Variants in TMEM132C observed in about 807,000 individuals in gnomAD.
The protein encoded by TMEM132C is protein phosphatase 1, regulatory subunit 152.
Under a neutral mutation model 61.4 loss-of-function variants are expected in TMEM132C, and 29 were observed. That is an observed-to-expected ratio of 0.47 (90% CI 0.35 to 0.64). TMEM132C has a LOEUF of 0.64. Ranked by LOEUF, TMEM132C falls within the 30% of genes least tolerant of loss-of-function variation. The probability of loss-of-function intolerance (pLI) is 0.00; values close to 1 mark genes in which losing one functional copy is unlikely to be tolerated. For synonymous variants in TMEM132C, 656 were observed against 633.1 expected, an observed-to-expected ratio of 1.04 and a Z score of -0.54; for missense variants, 1,408 against 1,476.9, an observed-to-expected ratio of 0.95 and a Z score of 0.76.
At chr12:128,449,951 C>T (rs1030649599) in intron 2 of TMEM132C, among the ~76,000 whole-genome samples, 1 of 152,200 alleles carries the variant, frequency 6.6e-6, no homozygotes, top group Admixed American at 6.5e-5. Flanking sequence ...GAAATGTCCA[C>T]AAGACCTATG....
At chr12:128,690,297 C>T (rs944953191) in intron 5 of TMEM132C, among the ~76,000 whole-genome samples, 19 of 152,188 alleles carry the variant, frequency 1.2e-4, no homozygotes, top group Non-Finnish European at 2.9e-5. Flanking sequence ...AGCCGAGGGA[C>T]TAAAAAGACT....
Position 128,638,937 on chromosome 12 carries a change from G to A in TMEM132C, c.1305+22602G>A, listed in dbSNP as rs565927781. Among the ~76,000 whole-genome samples the A allele has an allele frequency of 6.9e-3, 1,034 of 149,610 alleles. 10 individuals carry two copies. Among genetic ancestry groups the A allele is most frequent in the African/African-American group, 0.024 (961 of 39,850 alleles). On this transcript the variant is annotated intron_variant, in intron 4 of 8. Coordinates refer to ENST00000435159, the MANE Select transcript of TMEM132C (RefSeq NM_001136103.3). ...TGATGGTGGTGATGGTGATGGTGGTGATGGTGATGATGGTGGTGATGGTGA... is the reference window on the plus strand; with the variant it reads ...TGATGGTGGTGATGGTGATGGTGGTAATGGTGATGATGGTGGTGATGGTGA...
At chr12:128,322,117 A>G (rs1471406307) in intron 1 of TMEM132C, among the ~76,000 whole-genome samples, 1 of 152,232 alleles carries the variant, frequency 6.6e-6, no homozygotes, top group Non-Finnish European at 1.5e-5. Context: ...TGATGAATCA[A>G]ATTTGCTGGG....
At chr12:128,357,267 G>C (rs1481762057) in intron 1 of TMEM132C, among the ~76,000 whole-genome samples, 1 of 152,120 alleles carries the variant, frequency 6.6e-6, no homozygotes, top group East Asian at 1.9e-4. Context: ...TAGGTTTGCA[G>C]CCCTTCTGTC....
intron 1 of TMEM132C, among the ~76,000 whole-genome samples, chr12:128,276,548 C>T (rs1870696363): frequency 6.6e-6 from 1 of 152,150 alleles, no homozygotes; most frequent in Admixed American, 6.5e-5. Flanking sequence ...CTTAAGCTTC[C>T]CTTCTCCTTC....
At chr12:128,401,330 C>T (rs886103803) in intron 1 of TMEM132C, among the ~76,000 whole-genome samples, 3 of 152,086 alleles carry the variant, frequency 2.0e-5, no homozygotes, top group Admixed American at 6.6e-5. Context: ...GATTTGATAA[C>T]CTTCATATGT....
At chr12:128,327,366 GTTT>G (rs1404448850) in intron 1 of TMEM132C, among the ~76,000 whole-genome samples, 2 of 104,258 alleles carry the variant, frequency 1.9e-5, no homozygotes, top group African/African-American at 1.3e-4. Context: ...AGCTTGGTTT[GTTT>G]GTTTGTTTGT....
chr12:128,277,459 T>A (rs1870730935), intron 1 of TMEM132C, among the ~76,000 whole-genome samples: 1 of 152,204 alleles, frequency 6.6e-6, no homozygotes, highest in South Asian at 2.1e-4. Flanking sequence ...GTAGAAAAAG[T>A]TGCAGGGGCA....
chr12:128,393,970 G>A (rs973513387), intron 1 of TMEM132C, among the ~76,000 whole-genome samples: 2 of 152,126 alleles, frequency 1.3e-5, no homozygotes, highest in Non-Finnish European at 2.9e-5. Flanking sequence ...CTTCTTTAAA[G>A]ACGGTGTATT....
At chr12:128,538,816 T>C (rs1350280679) in intron 2 of TMEM132C, among the ~76,000 whole-genome samples, 1 of 152,150 alleles carries the variant, frequency 6.6e-6, no homozygotes, top group Non-Finnish European at 1.5e-5. Context: ...CCATTTTATC[T>C]CTCCATCCCT....
intron 3 of TMEM132C, among the ~76,000 whole-genome samples, chr12:128,597,568 A>ATCTTAT: frequency 6.6e-6 from 1 of 152,180 alleles, no homozygotes; most frequent in African/African-American, 2.4e-5. Flanking sequence ...AAAGGAACAT[A>ATCTTAT]GATTCATTAT....
chr12:128,700,700 G>C (rs979074881), intron 8 of TMEM132C, among the ~76,000 whole-genome samples: 1 of 152,178 alleles, frequency 6.6e-6, no homozygotes, highest in South Asian at 2.1e-4. Flanking sequence ...CCCAAGCCTT[G>C]TTTGCTCTAA....
chr12:128,620,159 G>A (rs1019203445), intron 4 of TMEM132C, among the ~76,000 whole-genome samples: 3 of 148,538 alleles, frequency 2.0e-5, no homozygotes, highest in African/African-American at 7.5e-5. Flanking sequence ...TTAAGCCCAG[G>A]AGTTGGAGGC....
intron 1 of TMEM132C, among the ~76,000 whole-genome samples, chr12:128,275,408 A>G (rs1172168689): frequency 6.6e-6 from 1 of 152,184 alleles, no homozygotes; most frequent in Non-Finnish European, 1.5e-5. Context: ...TCCTTATGAG[A>G]ATCTAATGCC....
chr12:128,384,780 G>A (rs1185783966), intron 1 of TMEM132C, among the ~76,000 whole-genome samples: 1 of 152,208 alleles, frequency 6.6e-6, no homozygotes, highest in African/African-American at 2.4e-5. Flanking sequence ...GGCTTAGTGA[G>A]GGGACTTTAC....
chr12:128,321,160 A>C, intron 1 of TMEM132C, among the ~76,000 whole-genome samples: 1 of 148,846 alleles, frequency 6.7e-6, no homozygotes, highest in Non-Finnish European at 1.5e-5. Flanking sequence ...TAATAATAAT[A>C]ATAATAATAA....
intron 1 of TMEM132C, among the ~76,000 whole-genome samples, chr12:128,359,396 C>G (rs1431837075): frequency 1.3e-5 from 2 of 152,110 alleles, no homozygotes; most frequent in Admixed American, 1.3e-4. Context: ...ACCATGAGAC[C>G]AGCATGGGGG....
intron 5 of TMEM132C, among the ~76,000 whole-genome samples, chr12:128,688,034 G>A (rs754272389): frequency 2.6e-5 from 4 of 151,848 alleles, no homozygotes; most frequent in Admixed American, 6.6e-5. Flanking sequence ...CAGCCTTTCC[G>A]AGTGGCCCCT....
chr12:128,628,620 G>C (rs1189766571), intron 4 of TMEM132C, among the ~76,000 whole-genome samples: 1 of 151,336 alleles, frequency 6.6e-6, no homozygotes, highest in Non-Finnish European at 1.5e-5. Context: ...GTGGGCAGCG[G>C]ACACTCTATC....
Sources: allele counts gnomAD v4.1 joint callset (sites outside exome capture counted in the v4.1 genomes callset), GRCh38; gene constraint gnomAD v4.1.1; transcripts MANE v1.5; gene names NCBI Gene and HGNC (gene_info 2026-07-23, HGNC 2026-07-21).